The following IQCJ variants were observed in gnomAD, a reference collection of about 807,000 sequenced individuals.
The protein encoded by IQCJ is IQ domain-containing protein J.
In IQCJ, 9 loss-of-function variants were observed where a neutral mutation model predicts 11.0. That is an observed-to-expected ratio of 0.82 (90% CI 0.49 to 1.43). The LOEUF is 1.43. Ranked by LOEUF, IQCJ falls within the 40% of genes most tolerant of loss-of-function variation. The probability of loss-of-function intolerance (pLI) is 0.00; values close to 1 mark genes in which losing one functional copy is unlikely to be tolerated. For missense variants in IQCJ, 146 were observed against 133.2 expected, an observed-to-expected ratio of 1.10 and a Z score of -0.47; for synonymous variants, 55 against 51.3, an observed-to-expected ratio of 1.07 and a Z score of -0.31.
chr3:159,083,883 T>C (rs1716505682), intron 1 of IQCJ, among the ~76,000 whole-genome samples: 1 of 152,106 alleles, frequency 6.6e-6, no homozygotes, highest in Admixed American at 6.6e-5. Flanking sequence ...GGGAACAGAT[T>C]CATTGTTGCC....
chr3:159,200,004 A>C (rs1277011251), intron 1 of IQCJ, among the ~76,000 whole-genome samples: 1 of 145,280 alleles, frequency 6.9e-6, no homozygotes, highest in Non-Finnish European at 1.5e-5. Flanking sequence ...TAATTTATTC[A>C]TAAGATTGTT....
intron 1 of IQCJ, among the ~76,000 whole-genome samples, chr3:159,235,758 G>T (rs75619499): frequency 6.6e-6 from 1 of 152,114 alleles, no homozygotes; most frequent in South Asian, 2.1e-4. Flanking sequence ...TGACATTTTC[G>T]CATGTGGCAG....
intron 1 of IQCJ, among the ~76,000 whole-genome samples, chr3:159,152,136 G>A (rs574088965): frequency 5.1e-4 from 77 of 152,188 alleles, no homozygotes; most frequent in African/African-American, 1.7e-3. Context: ...AATGATTGCC[G>A]CCTCCAGGAC....
intron 1 of IQCJ, among the ~76,000 whole-genome samples, chr3:159,124,840 G>A (rs546007336): frequency 1.2e-4 from 18 of 152,152 alleles, no homozygotes; most frequent in Non-Finnish European, 2.1e-4. Context: ...TAGTATATAA[G>A]GAAAATGACA....
At chr3:159,115,144 C>CT (rs1380989267) in intron 1 of IQCJ, among the ~76,000 whole-genome samples, 1 of 152,196 alleles carries the variant, frequency 6.6e-6, no homozygotes, top group Non-Finnish European at 1.5e-5. Context: ...TGTTGACAAG[C>CT]AATCCCCAAA....
At chr3:159,248,777 G>T (rs974269981) in intron 2 of IQCJ, among the ~76,000 whole-genome samples, 1 of 152,044 alleles carries the variant, frequency 6.6e-6, no homozygotes, top group African/African-American at 2.4e-5. Context: ...TCCTCATGCA[G>T]CTTAATTCTC....
chr3:159,265,747 T>C (rs552545502), downstream of IQCJ: 1 of 170,010 alleles, frequency 5.9e-6, no homozygotes, highest in South Asian at 1.8e-4. Flanking sequence ...TAACACAACC[T>C]TAATGGAGGC....
At chr3:159,101,737 C>T (rs749785852) in intron 1 of IQCJ, among the ~76,000 whole-genome samples, 2 of 152,176 alleles carry the variant, frequency 1.3e-5, no homozygotes, top group Non-Finnish European at 2.9e-5. Flanking sequence ...TCACCAGATA[C>T]AACCCCAAGT....
chr3:159,240,082 G>C (rs76956974), intron 1 of IQCJ, among the ~76,000 whole-genome samples: 4,666 of 152,170 alleles, frequency 0.031, 239 homozygotes, highest in African/African-American at 0.11. Flanking sequence ...AAAAAAAATA[G>C]GTAGGAAGTG....
chr3:159,106,738 C>A (rs1269288853), intron 1 of IQCJ, among the ~76,000 whole-genome samples: 1 of 152,038 alleles, frequency 6.6e-6, no homozygotes, highest in Admixed American at 6.6e-5. Flanking sequence ...CATAAGACTG[C>A]CCCCATTTTA....
chr3:159,071,445 A>C (rs756636994), intron 1 of IQCJ, among the ~76,000 whole-genome samples: 12 of 152,052 alleles, frequency 7.9e-5, no homozygotes, highest in Non-Finnish European at 1.2e-4. Flanking sequence ...TGAAGGTTTT[A>C]AATTGAATGA....
intron 1 of IQCJ, among the ~76,000 whole-genome samples, chr3:159,185,112 C>A (rs1723305815): frequency 6.6e-6 from 1 of 152,164 alleles, no homozygotes; most frequent in Non-Finnish European, 1.5e-5. Flanking sequence ...CCCTATCAGG[C>A]CCATTACAAT....
chr3:159,220,146 A>C (rs922593769), intron 1 of IQCJ, among the ~76,000 whole-genome samples: 3 of 152,130 alleles, frequency 2.0e-5, no homozygotes, highest in Admixed American at 6.6e-5. Context: ...AGATTTTAAA[A>C]GGTATCTTCT....
At chr3:159,221,882 G>A (rs1015464437) in intron 1 of IQCJ, among the ~76,000 whole-genome samples, 6 of 151,132 alleles carry the variant, frequency 4.0e-5, no homozygotes, top group African/African-American at 1.5e-4. Flanking sequence ...ACACACAAGA[G>A]TGAATAAACA....
chr3:159,218,341 TTGTGTGTG>T (rs34078356), intron 1 of IQCJ, among the ~76,000 whole-genome samples: 5 of 145,914 alleles, frequency 3.4e-5, no homozygotes, highest in East Asian at 2.0e-4. Flanking sequence ...GAGTCCCTCT[TTGTGTGTG>T]TGTGTGTGTG....
chr3:159,199,951 C>T (rs1724214593), intron 1 of IQCJ, among the ~76,000 whole-genome samples: 2 of 149,782 alleles, frequency 1.3e-5, no homozygotes, highest in South Asian at 4.3e-4. Flanking sequence ...GATACTTAAC[C>T]TCCCCATGCC....
At chr3:159,075,920 G>A (rs1715880726) in intron 1 of IQCJ, among the ~76,000 whole-genome samples, 1 of 152,096 alleles carries the variant, frequency 6.6e-6, no homozygotes, top group African/African-American at 2.4e-5. Flanking sequence ...GCTGGGCATG[G>A]AGGGTGTGAG....
At chr3:159,087,217 C>T (rs1716848827) in intron 1 of IQCJ, among the ~76,000 whole-genome samples, 1 of 152,012 alleles carries the variant, frequency 6.6e-6, no homozygotes, top group Non-Finnish European at 1.5e-5. Context: ...TGCTGGATTA[C>T]ATTTATTGAT....
intron 1 of IQCJ, among the ~76,000 whole-genome samples, chr3:159,086,398 G>A (rs916059289): frequency 6.6e-5 from 10 of 152,090 alleles, no homozygotes; most frequent in African/African-American, 1.7e-4. Flanking sequence ...TTGGCGATGC[G>A]TGCTCTTTTT....
Sources: allele counts gnomAD v4.1 joint callset (sites outside exome capture counted in the v4.1 genomes callset), GRCh38; gene constraint gnomAD v4.1.1; transcripts MANE v1.5; gene names NCBI Gene and HGNC (gene_info 2026-07-23, HGNC 2026-07-21).